KLF12: variants seen among roughly 807,000 people sequenced by gnomAD.
KLF12 encodes Krueppel-like factor 12.
A neutral mutation model predicts 37.8 loss-of-function variants in KLF12; 9 were observed. The observed-to-expected ratio is 0.24, with a 90% CI of 0.14 to 0.42. KLF12 has a LOEUF of 0.42. Among genes scored for constraint, KLF12 ranks in the 10% least tolerant of loss-of-function variants. The pLI is 1.00. For missense variants in KLF12, 411 were observed against 516.0 expected (o/e 0.80, Z 1.97); for synonymous variants, 208 against 202.1 (o/e 1.03, Z -0.25).
At chr13:73,723,524 G>T (rs993357804) in intron 6 of KLF12, among the ~76,000 whole-genome samples, 3 of 152,008 alleles carry the variant, frequency 2.0e-5, no homozygotes, top group Non-Finnish European at 4.4e-5. Context: ...TTCTAGGTCA[G>T]AATAGGATTA....
the KLF12 span, among the ~76,000 whole-genome samples, chr13:74,211,728 T>C: frequency 6.6e-6 from 1 of 152,198 alleles, no homozygotes; most frequent in South Asian, 2.1e-4. Context: ...ATTGTACTCC[T>C]TTTCCAGTAG....
chr13:74,115,642 T>C (rs937846737), intron 1 of KLF12, among the ~76,000 whole-genome samples: 2 of 150,842 alleles, frequency 1.3e-5, no homozygotes, highest in Admixed American at 6.6e-5. Flanking sequence ...GGGACAGAGG[T>C]TGCAGTGAGT....
At chr13:73,746,853 C>T (rs1005359385) in intron 6 of KLF12, among the ~76,000 whole-genome samples, 6 of 121,146 alleles carry the variant, frequency 5.0e-5, no homozygotes, top group Non-Finnish European at 9.8e-5. Flanking sequence ...CTTGCTCTGT[C>T]GCCCAGGCTG....
rs778759106 is a variant in KLF12 at position 73,738,092 on chromosome 13, C to CATATATAT, written c.870-22575_870-22568dup. Reference sequence around the variant, plus strand: ...ATACACACACATATATGTATGTGTACATATATATATATATATATATATATA... The same window carrying CATATATAT: ...ATACACACACATATATGTATGTGTACATATATATATATATATATATATATATATATATA... On this transcript the variant is annotated intron_variant, in intron 6 of 7. Coordinates refer to ENST00000377669, the MANE Select transcript of KLF12 (RefSeq NM_007249.5). 1.6e-3 allele frequency among the ~76,000 whole-genome samples: 185 copies of CATATATAT among 116,710 alleles called. No homozygotes were observed. In the East Asian group the frequency reaches 0.017, roughly 10 times the overall value. 76.6% of individuals were successfully genotyped at this position (116,710 alleles called of 152,430 possible).
the KLF12 span, among the ~76,000 whole-genome samples, chr13:74,234,745 C>CG: frequency 0.049 from 7,377 of 150,032 alleles, 447 homozygotes; most frequent in African/African-American, 0.14. Context: ...ACCTCTTATT[C>CG]GGAAAAAAAA....
chr13:74,036,196 C>T (rs2138511163), intron 1 of KLF12, among the ~76,000 whole-genome samples: 1 of 152,300 alleles, frequency 6.6e-6, no homozygotes, highest in East Asian at 1.9e-4. Flanking sequence ...AACAATGTAT[C>T]CTCTCCATAC....
At chr13:74,213,470 A>G in the KLF12 span, among the ~76,000 whole-genome samples, 1 of 152,128 alleles carries the variant, frequency 6.6e-6, no homozygotes, top group Non-Finnish European at 1.5e-5. Flanking sequence ...AGCAATGGGT[A>G]TAGAATTGTA....
At chr13:74,015,410 G>T (rs1459915564) in intron 1 of KLF12, among the ~76,000 whole-genome samples, 1 of 152,076 alleles carries the variant, frequency 6.6e-6, no homozygotes, top group Admixed American at 6.6e-5. Flanking sequence ...GGAATTAAAC[G>T]AAATAATGCG....
At chr13:74,235,122 T>G in the KLF12 span, among the ~76,000 whole-genome samples, 1 of 152,218 alleles carries the variant, frequency 6.6e-6, no homozygotes, top group Non-Finnish European at 1.5e-5. Flanking sequence ...TGAAGGCAGA[T>G]GTATCCAGAG....
At chr13:73,856,607 T>C (rs891348763) in intron 3 of KLF12, among the ~76,000 whole-genome samples, 1 of 151,710 alleles carries the variant, frequency 6.6e-6, no homozygotes, top group African/African-American at 2.4e-5. Context: ...ATATTCAGAA[T>C]CCATTCAACA....
intron 6 of KLF12, among the ~76,000 whole-genome samples, chr13:73,726,845 G>C (rs1876706222): frequency 6.6e-6 from 1 of 152,210 alleles, no homozygotes; most frequent in Admixed American, 6.5e-5. Context: ...TCTATGCTTA[G>C]CATTTTAAGG....
the KLF12 span, among the ~76,000 whole-genome samples, chr13:74,207,985 T>C: frequency 6.6e-6 from 1 of 152,188 alleles, no homozygotes. Flanking sequence ...CATCATTGAA[T>C]TAGACATTTT....
intron 1 of KLF12, among the ~76,000 whole-genome samples, chr13:74,069,466 T>C (rs1025523978): frequency 2.0e-5 from 3 of 152,128 alleles, no homozygotes; most frequent in African/African-American, 7.2e-5. Context: ...TGACAGATCA[T>C]ACGTGCAAAA....
intron 1 of KLF12, among the ~76,000 whole-genome samples, chr13:74,027,788 A>T (rs1403138141): frequency 6.6e-6 from 1 of 152,350 alleles, no homozygotes; most frequent in Admixed American, 6.5e-5. Context: ...TTTTCCCATA[A>T]GAGTTTCAAT....
chr13:73,737,535 T>C (rs1877551331), intron 6 of KLF12, among the ~76,000 whole-genome samples: 1 of 152,214 alleles, frequency 6.6e-6, no homozygotes, highest in Admixed American at 6.5e-5. Context: ...GCTGTGATTC[T>C]AGTATACTAA....
chr13:73,765,185 T>C (rs528549266), intron 5 of KLF12, among the ~76,000 whole-genome samples, 185 bp from the exon 6 acceptor site: 1 of 152,164 alleles, frequency 6.6e-6, no homozygotes, highest in South Asian at 2.1e-4. Context: ...GGTCCTTTTT[T>C]CCTTCTTAAC....
chr13:74,021,515 T>C (rs1566507305), intron 1 of KLF12, among the ~76,000 whole-genome samples: 2 of 152,140 alleles, frequency 1.3e-5, no homozygotes, highest in African/African-American at 4.8e-5. Flanking sequence ...TTTGGCAGCA[T>C]AGCATAATAG....
Position 73,695,226 on chromosome 13 carries a change from G to A in KLF12, c.*264C>T, listed in dbSNP as rs1874053603. The stretch of plus-strand genomic sequence containing the variant: ...GCTACAAACATCTTTAAATGGCAGA[G>A]GACACAGCACGGAAAACAATGCCTG... On this transcript the variant is annotated 3_prime_UTR_variant, in exon 8 of 8. Coordinates refer to ENST00000377669, the MANE Select transcript of KLF12 (RefSeq NM_007249.5). The A allele has an allele frequency of 1.8e-5, 8 of 432,598 alleles. No individual in the cohort carries two copies. Among genetic ancestry groups the A allele is most frequent in the Non-Finnish European group, 3.3e-5 (8 of 240,750 alleles). The allele number at this position is 432,598 out of a possible 1,614,324, so 26.8% of individuals were successfully genotyped here.
At chr13:74,073,487 A>T (rs1593877370) in intron 1 of KLF12, among the ~76,000 whole-genome samples, 1 of 152,168 alleles carries the variant, frequency 6.6e-6, no homozygotes, top group Admixed American at 6.5e-5. Context: ...TAGAGAAAAC[A>T]GTCAATAACT....
Sources: gnomAD v4.1 joint callset for allele counts (sites outside exome capture counted in the v4.1 genomes callset) on GRCh38, gnomAD v4.1.1 for gene constraint, MANE v1.5 for transcripts, NCBI Gene and HGNC (gene_info 2026-07-23, HGNC 2026-07-21) for gene names.